The following TMEM132D variants were observed in gnomAD, a reference collection of about 807,000 sequenced individuals.
TMEM132D encodes mature OL transmembrane protein.
In TMEM132D, 21 loss-of-function variants were observed where a neutral mutation model predicts 62.3. The ratio of observed to expected loss-of-function variants is 0.34; its 90% CI spans 0.24 to 0.49. The LOEUF (loss-of-function observed/expected upper bound fraction) is 0.49, where lower values mean the gene tolerates loss of function less well. Among genes scored for constraint, TMEM132D ranks in the 20% least tolerant of loss-of-function variants. The probability of loss-of-function intolerance (pLI) is 0.99; values close to 1 mark genes in which losing one functional copy is unlikely to be tolerated. For synonymous variants in TMEM132D, 621 were observed against 575.6 expected (o/e 1.08, Z -1.13); for missense variants, 1,346 against 1,402.8 (o/e 0.96, Z 0.65).
At chr12:129,530,365 A>G (rs1266356481) in intron 3 of TMEM132D, among the ~76,000 whole-genome samples, 2 of 152,200 alleles carry the variant, frequency 1.3e-5, no homozygotes, top group East Asian at 3.8e-4. Context: ...AGCAACATAC[A>G]GGTGACAAAA....
intron 5 of TMEM132D, among the ~76,000 whole-genome samples, chr12:129,200,618 A>C (rs1878677025): frequency 6.6e-6 from 1 of 152,206 alleles, no homozygotes; most frequent in African/African-American, 2.4e-5. Flanking sequence ...GAAAAAAAGA[A>C]GGGACTATTT....
intron 1 of TMEM132D, among the ~76,000 whole-genome samples, chr12:129,803,437 C>G (rs1317753254): frequency 6.6e-6 from 1 of 152,054 alleles, no homozygotes; most frequent in Non-Finnish European, 1.5e-5. Flanking sequence ...TCCTGAATGA[C>G]TACTGGGTAC....
chr12:129,138,700 G>A (rs1284196483), intron 5 of TMEM132D, among the ~76,000 whole-genome samples: 3 of 152,314 alleles, frequency 2.0e-5, no homozygotes, highest in Non-Finnish European at 2.9e-5. Flanking sequence ...CAGCCCAGGC[G>A]ACAGAGCAAG....
chr12:129,078,583 G>T lies in TMEM132D; in HGVS notation c.2066C>A (p.Ala689Asp). 1.9e-6 allele frequency: 3 copies of T among 1,614,136 alleles called. No individual in the cohort carries two copies. Among genetic ancestry groups the T allele is most frequent in the Non-Finnish European group, 2.5e-6 (3 of 1,180,034 alleles). ...CTGAGCCACTGCAGTGGCAAAGATG[G>T]CCCTGTTGCTTCCTGGGCTGAGCTG... is the stretch of plus-strand genomic sequence containing the variant. ...SLQLSPGSNR[A>D]IFATAVAQEL... Residue 689 changes from alanine (A) to aspartate (D), a missense_variant, in exon 8 of 9, where the codon GCC becomes GAC. By Grantham distance (126) the Ala-to-Asp change is moderately radical (BLOSUM62 -2). Transcript: ENST00000422113.
At chr12:129,194,335 C>G (rs763186327) in intron 5 of TMEM132D, among the ~76,000 whole-genome samples, 4 of 152,170 alleles carry the variant, frequency 2.6e-5, no homozygotes, top group Non-Finnish European at 4.4e-5. Context: ...CATCTGAATA[C>G]AATCCTAAAC....
intron 2 of TMEM132D, among the ~76,000 whole-genome samples, chr12:129,697,764 T>A (rs994260234): frequency 2.0e-5 from 3 of 152,170 alleles, no homozygotes; most frequent in Non-Finnish European, 4.4e-5. Context: ...CAGCCACACA[T>A]AGTGAATTTC....
At chr12:129,836,688 C>T (rs1224730003) in intron 1 of TMEM132D, among the ~76,000 whole-genome samples, 6 of 152,018 alleles carry the variant, frequency 3.9e-5, no homozygotes, top group African/African-American at 1.4e-4. Context: ...ATAAACATCT[C>T]CCATGAATCA....
At chr12:129,153,888 C>CCTGAT (rs1877152130) in intron 5 of TMEM132D, among the ~76,000 whole-genome samples, 1 of 152,098 alleles carries the variant, frequency 6.6e-6, no homozygotes, top group Non-Finnish European at 1.5e-5. Context: ...GAAAGTTTCT[C>CCTGAT]CAGAAGCGCA....
At chr12:129,217,576 C>T (rs1263470980) in intron 4 of TMEM132D, among the ~76,000 whole-genome samples, 1 of 152,190 alleles carries the variant, frequency 6.6e-6, no homozygotes, top group African/African-American at 2.4e-5. Context: ...CCAACCAGAA[C>T]AGCTCACAGC....
intron 5 of TMEM132D, among the ~76,000 whole-genome samples, chr12:129,205,021 G>A (rs1288658472): frequency 6.6e-6 from 1 of 152,162 alleles, no homozygotes; most frequent in Non-Finnish European, 1.5e-5. Context: ...GGTCCTGAAA[G>A]GAGCACTAAA....
chr12:129,128,767 G>C (rs1876290306), intron 5 of TMEM132D, among the ~76,000 whole-genome samples: 1 of 151,872 alleles, frequency 6.6e-6, no homozygotes, highest in Non-Finnish European at 1.5e-5. Flanking sequence ...CCCACCCTTG[G>C]GAGTCTCCAG....
chr12:129,880,489 C>A lies in TMEM132D; in HGVS notation c.79+22772G>T, dbSNP rs141337769. ...ATCCATTTTGTCTTATCTTGAATTG[C>A]TCTAAAAATAACTGTATGAAGCCAA... On this transcript the variant is annotated intron_variant, in intron 1 of 8. Transcript: ENST00000422113. Among the ~76,000 whole-genome samples the A allele has an allele frequency of 1.3e-3, 196 of 152,138 alleles. 2 individuals carry two copies. The highest frequency in any genetic ancestry group is 3.9e-3 in the African/African-American group (162 of 41,504).
intron 4 of TMEM132D, among the ~76,000 whole-genome samples, chr12:129,325,561 G>A (rs914746774): frequency 1.3e-5 from 2 of 152,174 alleles, no homozygotes; most frequent in Non-Finnish European, 2.9e-5. Flanking sequence ...CAAGTCTCAC[G>A]GATACAAGAG....
chr12:129,790,623 T>TG (rs940115461), intron 1 of TMEM132D, among the ~76,000 whole-genome samples: 66 of 152,000 alleles, frequency 4.3e-4, no homozygotes, highest in East Asian at 1.9e-3. Flanking sequence ...CGGCACAGGA[T>TG]GGGGGGGCAG....
chr12:129,547,974 A>T (rs1267391260), intron 2 of TMEM132D, among the ~76,000 whole-genome samples: 1 of 152,108 alleles, frequency 6.6e-6, no homozygotes, highest in Non-Finnish European at 1.5e-5. Flanking sequence ...CTGCTGGCAA[A>T]TGTGACAATT....
chr12:129,859,085 C>A (rs543305322), intron 1 of TMEM132D, among the ~76,000 whole-genome samples: 2 of 152,056 alleles, frequency 1.3e-5, no homozygotes, highest in Non-Finnish European at 2.9e-5. Flanking sequence ...GGATGGGTGC[C>A]CTTACAAAAG....
intron 3 of TMEM132D, among the ~76,000 whole-genome samples, chr12:129,452,831 G>C (rs1373412587): frequency 6.6e-6 from 1 of 152,076 alleles, no homozygotes; most frequent in African/African-American, 2.4e-5. Context: ...AGTTAAATCA[G>C]GTATAACATA....
intron 2 of TMEM132D, among the ~76,000 whole-genome samples, chr12:129,605,604 TAC>T (rs1555221323): frequency 2.8e-5 from 3 of 106,296 alleles, no homozygotes; most frequent in East Asian, 2.3e-4. Flanking sequence ...TATATATATA[TAC>T]ACACACATAT....
At chr12:129,860,842 C>T (rs1294455417) in intron 1 of TMEM132D, among the ~76,000 whole-genome samples, 1 of 152,076 alleles carries the variant, frequency 6.6e-6, no homozygotes, top group South Asian at 2.1e-4. Flanking sequence ...AGAGGGAAGC[C>T]CCTTATAAAA....
Sources: gnomAD v4.1 joint callset for allele counts (sites outside exome capture counted in the v4.1 genomes callset) on GRCh38, gnomAD v4.1.1 for gene constraint, MANE v1.5 for transcripts, NCBI Gene and HGNC (gene_info 2026-07-23, HGNC 2026-07-21) for gene names.